Variants in C14orf180 observed in about 807,000 individuals in gnomAD.
C14orf180 encodes the protein nutritionally-regulated adipose and cardiac enriched protein homolog.
In C14orf180, 13 loss-of-function variants were observed where a neutral mutation model predicts 13.9. That is an observed-to-expected ratio of 0.94 (90% confidence interval 0.61 to 1.49). C14orf180 has a LOEUF of 1.49. C14orf180 is among the 40% of genes most tolerant of loss of function. The pLI is 0.00. For missense variants in C14orf180, 238 were observed against 232.0 expected, an observed-to-expected ratio of 1.03 and a Z score of -0.17; for synonymous variants, 113 against 106.3, an observed-to-expected ratio of 1.06 and a Z score of -0.39.
In C14orf180 at chr14:104,589,886, G is replaced by A. The variant is rs574434468; in HGVS notation, c.*1103G>A. On this transcript the variant is annotated 3_prime_UTR_variant, in exon 5 of 5. Coordinates refer to ENST00000557649, the MANE Select transcript of C14orf180 (RefSeq NM_001008404.3). This position sits in a 1 kb window ranked among gnomAD's most constrained non-coding sequence, Gnocchi z 4.9. ...TATAGAAATGAGAGAAACCAGAACC[G>A]ATTTGCTAAGGAATCGGCCTCAGTG... 5.9e-5 allele frequency: 9 copies of A among 152,308 alleles called. No homozygotes were observed. The South Asian group carries it at 6.2e-4, about 11-fold the overall frequency. 9.4% of individuals were successfully genotyped at this position (152,308 alleles called of 1,614,324 possible).
intron 3 of C14orf180, 85 bp from the exon 4 acceptor site, chr14:104,588,189 G>C (rs1023543542): frequency 3.3e-6 from 5 of 1,527,960 alleles, no homozygotes; most frequent in Non-Finnish European, 4.5e-6. Context: ...AGGGTCCTTC[G>C]GGGGTGCAGG....
chr14:104,588,018 C>A, intron 3 of C14orf180, 140 bp downstream of exon 3: 1 of 1,138,226 alleles, frequency 8.8e-7, no homozygotes, highest in Non-Finnish European at 1.2e-6. Context: ...GTGCCACAAC[C>A]CCTGTAAGAC....
chr14:104,588,577 G>A lies in C14orf180; in HGVS notation c.278-1G>A, dbSNP rs1488403889. 3 of 1,444,588 alleles carry A rather than the reference G, an allele frequency of 2.1e-6. No individual in the cohort carries two copies. Among genetic ancestry groups the A allele is most frequent in the Non-Finnish European group, 2.7e-6 (3 of 1,103,594 alleles). 89.5% of individuals were successfully genotyped at this position (1,444,588 alleles called of 1,614,324 possible). A position where few individuals can be genotyped will look rare whatever the true frequency, so the allele number is the denominator to read the frequency against. On this transcript the variant is annotated splice_acceptor_variant, in intron 4 of 4. Coordinates refer to ENST00000557649, the MANE Select transcript of C14orf180 (RefSeq NM_001008404.3). LOFTEE classifies it high-confidence loss of function. Reference sequence around the variant, plus strand: ...TGACCCTGCCTGCCCTCTGGCCGCAGTGCCCGGCCGGCCCAGGCCACACGG... The same window carrying A: ...TGACCCTGCCTGCCCTCTGGCCGCAATGCCCGGCCGGCCCAGGCCACACGG...
chr14:104,587,987 G>T (rs1886693822), intron 3 of C14orf180, 109 bp downstream of exon 3: 2 of 1,377,212 alleles, frequency 1.5e-6, no homozygotes, highest in South Asian at 1.5e-5. Context: ...GACATGGGGG[G>T]GCCGTGGCCA....
Position 104,590,132 on chromosome 14 carries a change from CCA to C in C14orf180, c.*1350_*1351del, listed in dbSNP as rs773548080. The C allele has an allele frequency of 6.6e-6, 1 of 152,250 alleles. No individual in the cohort carries two copies. The highest frequency in any genetic ancestry group is 1.5e-5 in the Non-Finnish European group (1 of 68,086). 9.4% of individuals were successfully genotyped at this position (152,250 alleles called of 1,614,324 possible). On this transcript the variant is annotated 3_prime_UTR_variant, in exon 5 of 5. Transcript: ENST00000557649. ...CTTCCAGCTTTGGAATCCAGGGAGC[CCA>C]GAGTTGCGGGTGGAGGTAACAAAAG...
At position 104,588,600 on chromosome 14, in the gene C14orf180, C is replaced by A; in HGVS notation, c.300C>A (p.His100Gln). 2 of 1,470,322 alleles carry A rather than the reference C, an allele frequency of 1.4e-6. No individual in the cohort carries two copies. Among genetic ancestry groups the A allele is most frequent in the Non-Finnish European group, 1.8e-6 (2 of 1,113,578 alleles). The allele number at this position is 1,470,322 out of a possible 1,614,324, so 91.1% of individuals were successfully genotyped here. ...TVRVPGRPRP[H>Q]GGSLLLQLCV... is the part of the protein sequence containing the mutation. ...CAGTGCCCGGCCGGCCCAGGCCACA[C>A]GGCGGCTCCCTGCTCCTGCAGCTGT... Residue 100 changes from histidine (H) to glutamine (Q), a missense_variant, in exon 5 of 5, where the codon CAC (histidine) becomes CAA (glutamine). His to Gln is a conservative substitution (Grantham distance 24). Coordinates refer to ENST00000557649, the MANE Select transcript of C14orf180 (RefSeq NM_001008404.3).
rs533562119 is a variant in C14orf180, at chr14:104,588,666, C to A, written c.366C>A (p.Cys122Ter). Residue 122 changes from cysteine (C) to a stop codon, truncating the protein, a stop_gained, in exon 5 of 5, where the codon TGC becomes TGA. Transcript: ENST00000557649. LOFTEE classifies it low-confidence loss of function (END_TRUNC). ...TCGTGCTGGCCCTGGGCCTATACTG[C>A]GGCCGGGCCAAGCCCGTGGCAACGG... is the stretch of plus-strand genomic sequence containing the variant. The part of the protein sequence containing the change: ...VLLVLALGLY[C>*]GRAKPVATAL... 2.6e-6 allele frequency: 4 copies of A among 1,533,986 alleles called. No homozygotes were observed. The highest frequency in any genetic ancestry group is 2.7e-5 in the African/African-American group (2 of 72,970).
intron 1 of C14orf180, among the ~76,000 whole-genome samples, chr14:104,584,245 C>T (rs1387851529): frequency 6.6e-6 from 1 of 152,218 alleles, no homozygotes; most frequent in East Asian, 1.9e-4. Flanking sequence ...TGCAGGGTCG[C>T]CTGGCAAGGG....
rs547639485 is a variant in C14orf180, at chr14:104,588,365, C to T, written c.277+56C>T. The stretch of plus-strand genomic sequence containing the variant: ...ACTGCCCCCTCCGTGGGTGCACCCA[C>T]CCTCACTCCCTCCCCGAGGGAGGTG... On this transcript the variant is annotated intron_variant, in intron 4 of 4. Coordinates refer to ENST00000557649, the MANE Select transcript of C14orf180 (RefSeq NM_001008404.3). 187 of 1,604,228 alleles carry T rather than the reference C, an allele frequency of 1.2e-4. 1 individual carries two copies. The Middle Eastern group carries it at 4.5e-3, about 38-fold the overall frequency.
chr14:104,585,224 TCC>T (rs1034530077), intron 1 of C14orf180, among the ~76,000 whole-genome samples: 1 of 151,508 alleles, frequency 6.6e-6, no homozygotes. Context: ...CAGCAGGAGG[TCC>T]CCACACTGCC....
intron 3 of C14orf180, 151 bp from the exon 4 acceptor site, chr14:104,588,123 C>A: frequency 9.9e-7 from 1 of 1,005,454 alleles, no homozygotes; most frequent in Non-Finnish European, 1.5e-6. Flanking sequence ...ATGACTGTCC[C>A]TTTGAGGAAG....
rs1268042593 is a variant in C14orf180, at chr14:104,589,858, T to G, written c.*1075T>G. 1.3e-5 allele frequency: 2 copies of G among 152,166 alleles called. No homozygotes were observed. The highest frequency in any genetic ancestry group is 2.9e-5 in the Non-Finnish European group (2 of 68,016). The allele number at this position is 152,166 out of a possible 1,614,324, so 9.4% of individuals were successfully genotyped here. ...CCGTGGCTTCCTTCAGTCTTGGTGT[T>G]TTTATAGAAATGAGAGAAACCAGAA... On this transcript the variant is annotated 3_prime_UTR_variant, in exon 5 of 5. Coordinates refer to ENST00000557649, the MANE Select transcript of C14orf180 (RefSeq NM_001008404.3). The surrounding 1 kb of genome is among the most constrained non-coding windows in gnomAD (Gnocchi z 4.9).
Position 104,588,764 on chromosome 14 carries a change from G to T in C14orf180, c.464G>T (p.Arg155Leu). 6.5e-7 allele frequency: 1 copy of T among 1,527,868 alleles called. No homozygotes were observed. Among genetic ancestry groups the T allele is most frequent in the Non-Finnish European group, 8.7e-7 (1 of 1,145,312 alleles). 94.6% of individuals were successfully genotyped at this position (1,527,868 alleles called of 1,614,324 possible). The change falls in exon 5 of 5, where the codon CGC (arginine) becomes CTC (leucine). Residue 155 changes from arginine to leucine, a missense_variant. By Grantham distance (102) the Arg-to-Leu change is moderately radical (BLOSUM62 -2). Coordinates refer to ENST00000557649, the MANE Select transcript of C14orf180 (RefSeq NM_001008404.3). ...CGGCACGTGGCCCTCACCTGCTGGC[G>T]CGGCCTCCTGCGGCTCTGACGGGCA... is the stretch of plus-strand genomic sequence containing the variant. ...HLRHVALTCW[R>L]GLLRL
chr14:104,588,291 G>T lies in C14orf180; in HGVS notation c.259G>T (p.Ala87Ser). 1.2e-6 allele frequency: 2 copies of T among 1,613,894 alleles called. No individual in the cohort carries two copies. Among genetic ancestry groups the T allele is most frequent in the Non-Finnish European group, 1.7e-6 (2 of 1,179,994 alleles). ...VTVHYIADKN[A>S]TATVRVPGRP... ...TTTCGCAGACATTGCTGACAAGAAC[G>T]CCACAGCCACTGTCAGGGGTGAGTT... The change falls in exon 4 of 5, where the codon GCC becomes TCC. Residue 87 changes from alanine (A) to serine (S), a missense_variant. Ala to Ser is a moderately conservative substitution (Grantham distance 99). Coordinates refer to ENST00000557649, the MANE Select transcript of C14orf180 (RefSeq NM_001008404.3).
intron 1 of C14orf180, 63 bp from the exon 2 acceptor site, chr14:104,586,352 A>C (rs1212491211): frequency 8.9e-7 from 1 of 1,127,478 alleles, no homozygotes; most frequent in Non-Finnish European, 1.2e-6. Flanking sequence ...TCCTCCTCTT[A>C]TTTTCATTCC....
intron 1 of C14orf180, among the ~76,000 whole-genome samples, chr14:104,583,562 G>A (rs796390333): frequency 4.6e-5 from 7 of 152,278 alleles, no homozygotes; most frequent in African/African-American, 1.4e-4. Flanking sequence ...AAGGTCACAC[G>A]TGGTCACACA....
At chr14:104,584,716 ACC>A (rs1057511356) in intron 1 of C14orf180, among the ~76,000 whole-genome samples, 1 of 150,302 alleles carries the variant, frequency 6.7e-6, no homozygotes, top group Non-Finnish European at 1.5e-5. Context: ...CCTCCCCGCC[ACC>A]CCCCTGGATG....
chr14:104,580,342 T>G (rs1184574769), intron 1 of C14orf180, among the ~76,000 whole-genome samples: 1 of 152,188 alleles, frequency 6.6e-6, no homozygotes, highest in African/African-American at 2.4e-5. Flanking sequence ...GTGTCCACAC[T>G]GAGGCCAGGC....
intron 1 of C14orf180, 103 bp downstream of exon 1, chr14:104,580,106 C>T (rs947021095): frequency 4.6e-5 from 7 of 152,040 alleles, no homozygotes; most frequent in African/African-American, 1.7e-4. Context: ...GAACCTGCCC[C>T]AGCTGGGCAG....
Sources: gnomAD v4.1 joint callset for allele counts (sites outside exome capture counted in the v4.1 genomes callset) on GRCh38, gnomAD v4.1.1 for gene constraint, Gnocchi (gnomAD v3.1) non-coding constraint, MANE v1.5 for transcripts, NCBI Gene and HGNC (gene_info 2026-07-23, HGNC 2026-07-21) for gene names.